The following CLEC2D variants were observed in gnomAD, a reference collection of about 807,000 sequenced individuals.
CLEC2D encodes the protein C-type lectin domain family 2 member D, also known as C-type lectin related f.
A neutral mutation model predicts 20.0 loss-of-function variants in CLEC2D; 16 were observed. The ratio of observed to expected loss-of-function variants is 0.80; its 90% confidence interval spans 0.54 to 1.22. CLEC2D has a LOEUF of 1.22. CLEC2D is among the 50% of genes most tolerant of loss of function. CLEC2D has a pLI of 0.00. For missense variants in CLEC2D, 207 were observed against 221.5 expected, an observed-to-expected ratio of 0.93 and a Z score of 0.42; for synonymous variants, 77 against 71.1, an observed-to-expected ratio of 1.08 and a Z score of -0.42.
At chr12:9,680,882 T>G (rs1865620262) in intron 1 of CLEC2D, 41 bp from the exon 2 acceptor site, 1 of 968,208 alleles carries the variant, frequency 1.0e-6, no homozygotes, top group Non-Finnish European at 1.7e-6. Context: ...GTATTATGTC[T>G]GTATTTAATT....
At chr12:9,687,875 TTTTA>T (rs1461092963) in intron 2 of CLEC2D, 23 bp from the exon 3 acceptor site, 1 of 1,391,294 alleles carries the variant, frequency 7.2e-7, no homozygotes, top group East Asian at 2.7e-5. Context: ...GAAATTTTTA[TTTTA>T]TTTATTTTTA....
chr12:9,679,968 T>C lies in CLEC2D; in HGVS notation c.62-955T>C, dbSNP rs1269861358. 2.0e-5 allele frequency among the ~76,000 whole-genome samples: 3 copies of C among 152,326 alleles called. No individual in the cohort carries two copies. The East Asian group carries it at 5.8e-4, about 29-fold the overall frequency. Reference sequence around the variant, plus strand: ...TACAAATATGTAGCTTGATTAATTATTATAAGATAAACACCTTTGTTGACT... The same window carrying C: ...TACAAATATGTAGCTTGATTAATTACTATAAGATAAACACCTTTGTTGACT... On this transcript the variant is annotated intron_variant, in intron 1 of 4. Transcript: ENST00000290855.
intron 2 of CLEC2D, among the ~76,000 whole-genome samples, chr12:9,683,335 G>GTTTTTTTTTTTTTTTT (rs1357039664): frequency 4.4e-4 from 5 of 11,288 alleles, no homozygotes; most frequent in African/African-American, 7.7e-4. Flanking sequence ...TTTTGTGTTT[G>GTTTTTTTTTTTTTTTT]TTTTTTTTTT....
chr12:9,678,708 T>G (rs1246931504), intron 1 of CLEC2D, among the ~76,000 whole-genome samples: 1 of 152,132 alleles, frequency 6.6e-6, no homozygotes, highest in Non-Finnish European at 1.5e-5. Flanking sequence ...TGGCTAATTT[T>G]TATTTAATTT....
chr12:9,693,076 G>A (rs1486286246), intron 4 of CLEC2D, 145 bp downstream of exon 4: 1 of 1,613,890 alleles, frequency 6.2e-7, no homozygotes, highest in African/African-American at 1.3e-5. Flanking sequence ...ATGTTGCAAA[G>A]GTTTCACAAG....
chr12:9,687,922 C>G lies in CLEC2D; in HGVS notation c.193C>G (p.Gln65Glu). The part of the protein sequence containing the change: ...ALSAIRANCH[Q>E]EPSVCLQAAC... ...TTCAGCAATAAGAGCTAACTGCCAT[C>G]AAGAGCCATCAGTATGTCTTCAAGC... Residue 65 changes from glutamine (Q) to glutamate (E), a missense_variant, in exon 3 of 5, where the codon CAA becomes GAA. Coordinates refer to ENST00000290855, the MANE Select transcript of CLEC2D (RefSeq NM_013269.6). 1 of 1,593,236 alleles carries G rather than the reference C, an allele frequency of 6.3e-7. No homozygotes were observed. The highest frequency in any genetic ancestry group is 8.6e-7 in the Non-Finnish European group (1 of 1,169,258).
Position 9,695,971 on chromosome 12 carries a change from C to T in CLEC2D, c.*1097C>T. On this transcript the variant is annotated 3_prime_UTR_variant, in exon 5 of 5. Transcript: ENST00000290855. ...AGCCAAAAATGCACAAAAGTCAAAT[C>T]AGAATGGAAAAGACTCAAAACCATC... 3.2e-6 allele frequency: 5 copies of T among 1,561,090 alleles called. No homozygotes were observed. The highest frequency in any genetic ancestry group is 3.5e-6 in the Non-Finnish European group (4 of 1,148,614).
At chr12:9,687,341 A>G (rs956975297) in intron 2 of CLEC2D, among the ~76,000 whole-genome samples, 4 of 152,158 alleles carry the variant, frequency 2.6e-5, no homozygotes, top group East Asian at 1.9e-4. Flanking sequence ...TTGCCCTCCT[A>G]TGAGAATCTA....
intron 1 of CLEC2D, among the ~76,000 whole-genome samples, chr12:9,678,437 T>C (rs1056423656): frequency 6.6e-6 from 1 of 151,328 alleles, no homozygotes; most frequent in Admixed American, 6.6e-5. Flanking sequence ...TGCATTTAGA[T>C]CATTGATATT....
chr12:9,669,877 G>A (rs1865373220), intron 1 of CLEC2D, 82 bp downstream of exon 1: 1 of 1,110,436 alleles, frequency 9.0e-7, no homozygotes, highest in Non-Finnish European at 1.3e-6. Context: ...CAGGAAAGGT[G>A]CTGATCTAGT....
At chr12:9,677,707 C>CTTTTTTTTTTTTTTTTTTTTTTTGTT (rs36120151) in intron 1 of CLEC2D, among the ~76,000 whole-genome samples, 1 of 122,434 alleles carries the variant, frequency 8.2e-6, no homozygotes, top group Non-Finnish European at 1.7e-5. Context: ...TTCTTTCTTT[C>CTTTTTTTTTTTTTTTTTTTTTTTGTT]TTTTTTTTTT....
In CLEC2D at chr12:9,698,373, C is replaced by G. The variant is rs1437885518; in HGVS notation, c.*3499C>G. On this transcript the variant is annotated 3_prime_UTR_variant, in exon 5 of 5. Transcript: ENST00000290855. ...CTACCCTGTGACATGTGGGGAACAT[C>G]TCTCTATTCCCCAGCCCCAGTCCCT... 1 of 152,154 alleles carries G rather than the reference C, an allele frequency of 6.6e-6. No homozygotes were observed. Among genetic ancestry groups the G allele is most frequent in the Non-Finnish European group, 1.5e-5 (1 of 68,016 alleles). 9.4% of individuals were successfully genotyped at this position (152,154 alleles called of 1,614,324 possible). A position where few individuals can be genotyped will look rare whatever the true frequency, so the allele number is the denominator to read the frequency against.
chr12:9,672,827 A>T (rs1286438650), intron 1 of CLEC2D, among the ~76,000 whole-genome samples: 2 of 151,690 alleles, frequency 1.3e-5, no homozygotes, highest in Non-Finnish European at 2.9e-5. Context: ...TCAAGCTCTG[A>T]TATTTTCTCT....
chr12:9,697,078 G>T lies in CLEC2D; in HGVS notation c.*2204G>T, dbSNP rs889780672. 5.9e-5 allele frequency: 9 copies of T among 151,718 alleles called. No homozygotes were observed. Among genetic ancestry groups the T allele is most frequent in the Non-Finnish European group, 1.3e-4 (9 of 67,964 alleles). 9.4% of individuals were successfully genotyped at this position (151,718 alleles called of 1,614,324 possible). On this transcript the variant is annotated 3_prime_UTR_variant, in exon 5 of 5. Transcript: ENST00000290855. ...AAAAAATAGAATATTATTCAGCCTTGTAAAAAGAAATCCTGTTATGTTGGG... is the reference window on the plus strand; with the variant it reads ...AAAAAATAGAATATTATTCAGCCTTTTAAAAAGAAATCCTGTTATGTTGGG...
chr12:9,680,511 T>G (rs781508770), intron 1 of CLEC2D, among the ~76,000 whole-genome samples: 1 of 152,214 alleles, frequency 6.6e-6, no homozygotes, highest in Non-Finnish European at 1.5e-5. Flanking sequence ...GTTTTGCCTT[T>G]TTTCCTCCAA....
chr12:9,673,955 G>T (rs1177018389), intron 1 of CLEC2D: 1 of 152,886 alleles, frequency 6.5e-6, no homozygotes. Flanking sequence ...AGTCATTCCA[G>T]GCACACTCCA....
intron 4 of CLEC2D, chr12:9,693,980 T>C: frequency 3.4e-6 from 1 of 296,932 alleles, no homozygotes; most frequent in Non-Finnish European, 6.2e-6. Context: ...TTTTTTTTTT[T>C]TTTTTTTTTT....
rs1443308518 is a variant in CLEC2D at position 9,687,888 on chromosome 12, T to C, written c.173-14T>C. The C allele has an allele frequency of 6.8e-7, 1 of 1,461,732 alleles. No individual in the cohort carries two copies. Among genetic ancestry groups the C allele is most frequent in the South Asian group, 1.5e-5 (1 of 66,920 alleles). The allele number at this position is 1,461,732 out of a possible 1,614,324, so 90.5% of individuals were successfully genotyped here. On this transcript the variant is annotated splice_polypyrimidine_tract_variant and intron_variant, in intron 2 of 4. Coordinates refer to ENST00000290855, the MANE Select transcript of CLEC2D (RefSeq NM_013269.6). ...AAGAAATTTTTATTTTATTTATTTTTATTTTATTTTCAGCAATAAGAGCTA... is the reference window on the plus strand; with the variant it reads ...AAGAAATTTTTATTTTATTTATTTTCATTTTATTTTCAGCAATAAGAGCTA...
intron 1 of CLEC2D, among the ~76,000 whole-genome samples, chr12:9,670,357 G>A (rs961526537): frequency 6.6e-6 from 1 of 152,000 alleles, no homozygotes; most frequent in African/African-American, 2.4e-5. Context: ...GGAATATCAA[G>A]GTTTTATAAC....
Sources: gnomAD v4.1 joint callset for allele counts (sites outside exome capture counted in the v4.1 genomes callset) on GRCh38, gnomAD v4.1.1 for gene constraint, MANE v1.5 for transcripts, NCBI Gene and HGNC (gene_info 2026-07-23, HGNC 2026-07-21) for gene names.